SHC2: variants seen among roughly 807,000 people sequenced by gnomAD.
SHC2 encodes SHC adaptor protein 2.
SHC2 carries 62 observed loss-of-function variants against 60.6 expected under a neutral mutation model. The ratio of observed to expected loss-of-function variants is 1.02; its 90% CI spans 0.83 to 1.26. SHC2 has a LOEUF of 1.26. SHC2 is among the 50% of genes most tolerant of loss of function. The pLI is 0.00. For missense variants in SHC2, 873 were observed against 822.2 expected, an observed-to-expected ratio of 1.06 and a Z score of -0.76; for synonymous variants, 375 against 372.4, an observed-to-expected ratio of 1.01 and a Z score of -0.08.
Position 430,682 on chromosome 19 carries a change from A to T in SHC2, c.1174+2T>A. ...ACCCCTTGCAGCCCCAGCCCATCCT[A>T]CCTGTACCGGTGGACCCCACGTCCC... On this transcript the variant is annotated splice_donor_variant, in intron 9 of 12. Transcript: ENST00000264554. LOFTEE classifies it high-confidence loss of function. The T allele has an allele frequency of 1.2e-6, 2 of 1,612,660 alleles. No individual in the cohort carries two copies. Among genetic ancestry groups the T allele is most frequent in the Non-Finnish European group, 1.7e-6 (2 of 1,179,670 alleles).
intron 2 of SHC2, chr19:439,304 G>A (rs770558136): frequency 2.8e-5 from 15 of 532,644 alleles, no homozygotes; most frequent in Non-Finnish European, 4.0e-5. Flanking sequence ...CCTTGCATCC[G>A]GCAGAGGCCC....
intron 1 of SHC2, among the ~76,000 whole-genome samples, chr19:448,098 G>A (rs541804108): frequency 2.7e-4 from 41 of 152,334 alleles, no homozygotes; most frequent in Admixed American, 1.8e-3. Context: ...CTCCCGGGGC[G>A]TGCACTGCGA....
chr19:440,964 C>A lies in SHC2; in HGVS notation c.469-32G>T. The A allele has an allele frequency of 6.3e-7, 1 of 1,597,462 alleles. No homozygotes were observed. The highest frequency in any genetic ancestry group is 8.6e-7 in the Non-Finnish European group (1 of 1,166,088). On this transcript the variant is annotated intron_variant, in intron 1 of 12. Transcript: ENST00000264554. This position sits in a 1 kb window ranked among gnomAD's most constrained non-coding sequence, Gnocchi z 7.0. ...GGAGAGAACAGGTGTCAGATGCCATCGGAACCCCCGCAGTGGAGCCACGTC... is the reference window on the plus strand; with the variant it reads ...GGAGAGAACAGGTGTCAGATGCCATAGGAACCCCCGCAGTGGAGCCACGTC...
At chr19:421,374 G>A (rs558884518) in intron 11 of SHC2, among the ~76,000 whole-genome samples, 12 of 146,222 alleles carry the variant, frequency 8.2e-5, no homozygotes, top group South Asian at 2.2e-4. Flanking sequence ...CATTCCAGCC[G>A]GGGCAACAGT....
intron 1 of SHC2, among the ~76,000 whole-genome samples, chr19:458,536 TTC>T (rs1975439176): frequency 8.6e-4 from 21 of 24,444 alleles, no homozygotes; most frequent in South Asian, 1.4e-3. Flanking sequence ...GGGAGGCGGA[TTC>T]GGGTTCCGGG....
At position 434,753 on chromosome 19, in the gene SHC2, T is replaced by G. The variant is rs1974676803; in HGVS notation, c.1066A>C (p.Arg356=). The G allele has an allele frequency of 6.2e-7, 1 of 1,612,556 alleles. No individual in the cohort carries two copies. Among genetic ancestry groups the G allele is most frequent in the South Asian group, 1.1e-5 (1 of 91,078 alleles). The change falls in exon 8 of 13, where the codon AGG becomes CGG. Residue 356 remains arginine, a synonymous_variant. Coordinates refer to ENST00000264554, the MANE Select transcript of SHC2 (RefSeq NM_012435.3). ...EPPLGGLVDS[R]LALTQPCALT... is the part of the protein sequence containing the mutation. The stretch of plus-strand genomic sequence containing the variant: ...GCGCAGGGCTGTGTCAGGGCCAGCC[T>G]GGAGTCCACTAGCCCGCCCAGCGGC...
rs369808633 is a variant in SHC2 at position 435,903 on chromosome 19, C to T, written c.953+262G>A. 18 of 454,132 alleles carry T rather than the reference C, an allele frequency of 4.0e-5. No individual in the cohort carries two copies. In the South Asian group the frequency reaches 4.4e-4, roughly 11 times the overall value. The allele number at this position is 454,132 out of a possible 1,614,324, so 28.1% of individuals were successfully genotyped here. On this transcript the variant is annotated intron_variant, in intron 7 of 12. Transcript: ENST00000264554. ...TCTGGAGGAGGGATATTGGTTGTAG[C>T]AGCAGGGCTGACAGCCTCAGGCACA...
Position 429,849 on chromosome 19 carries a change from C to A in SHC2, c.1174+835G>T, listed in dbSNP as rs558187082. 1.6e-4 allele frequency among the ~76,000 whole-genome samples: 24 copies of A among 148,960 alleles called. No homozygotes were observed. The South Asian group carries it at 3.5e-3, about 21-fold the overall frequency. On this transcript the variant is annotated intron_variant, in intron 9 of 12. Transcript: ENST00000264554. ...ACACAGTACCTATACCCAACACGCA[C>A]AGAAACCTAACACCGTGTGGATGAC...
chr19:454,721 C>G (rs928453294), intron 1 of SHC2, among the ~76,000 whole-genome samples: 2 of 151,618 alleles, frequency 1.3e-5, no homozygotes, highest in African/African-American at 4.8e-5. Context: ...ACCCGGGAGG[C>G]GGAGGTTGCG....
intron 12 of SHC2, among the ~76,000 whole-genome samples, chr19:418,291 C>T (rs1452223270): frequency 2.0e-5 from 3 of 152,230 alleles, no homozygotes; most frequent in Admixed American, 2.0e-4. Flanking sequence ...CCCAGCACGC[C>T]GCAGGGGTCC....
intron 11 of SHC2, 58 bp from the exon 12 acceptor site, chr19:419,114 G>C: frequency 1.3e-6 from 2 of 1,506,630 alleles, no homozygotes; most frequent in South Asian, 2.5e-5. Flanking sequence ...CCGTGGAGTA[G>C]GATATTGGCG....
intron 9 of SHC2, among the ~76,000 whole-genome samples, chr19:428,395 G>A (rs530784358): frequency 3.3e-5 from 5 of 152,338 alleles, no homozygotes; most frequent in South Asian, 2.1e-4. Flanking sequence ...GCAAAGGCCT[G>A]CAATCAACGC....
intron 1 of SHC2, among the ~76,000 whole-genome samples, chr19:456,595 C>T (rs1045519188): frequency 2.0e-5 from 3 of 152,156 alleles, no homozygotes; most frequent in Admixed American, 1.3e-4. Flanking sequence ...CACCACAGCC[C>T]ACAGAGAGAG....
chr19:424,944 G>C lies in SHC2; in HGVS notation c.1309+153C>G, dbSNP rs1002664422. 6.6e-6 allele frequency among the ~76,000 whole-genome samples: 1 copy of C among 152,092 alleles called. No homozygotes were observed. The highest frequency in any genetic ancestry group is 2.4e-5 in the African/African-American group (1 of 41,430). On this transcript the variant is annotated intron_variant, in intron 10 of 12. Transcript: ENST00000264554. The surrounding 1 kb of genome is among the most constrained non-coding windows in gnomAD (Gnocchi z 4.5). Reference sequence around the variant, plus strand: ...GACAGGAGACAGACTGGGCTTCCCCGTCCCACCCGTCGACTTGAAGGATCT... The same window carrying C: ...GACAGGAGACAGACTGGGCTTCCCCCTCCCACCCGTCGACTTGAAGGATCT...
chr19:454,744 C>T (rs1294394871), intron 1 of SHC2, among the ~76,000 whole-genome samples: 5 of 151,914 alleles, frequency 3.3e-5, no homozygotes, highest in African/African-American at 7.3e-5. Flanking sequence ...GAGCCGAGAT[C>T]GCGCCACGGC....
rs1176395793 is a variant in SHC2 at position 422,057 on chromosome 19, CG to C, written c.1620+88del. On this transcript the variant is annotated intron_variant, in intron 11 of 12. Transcript: ENST00000264554. This position sits in a 1 kb window ranked among gnomAD's most constrained non-coding sequence, Gnocchi z 5.0. ...TTGAGACCCTCCCACCTGTGCCCAG[CG>C]AAGCCCCTGGATGCCCCGAGACCCT... 11 of 483,910 alleles carry C rather than the reference CG, an allele frequency of 2.3e-5. No homozygotes were observed. The highest frequency in any genetic ancestry group is 4.0e-4 in the East Asian group (1 of 2,508). The allele number at this position is 483,910 out of a possible 1,614,324, so 30.0% of individuals were successfully genotyped here.
chr19:447,603 AC>A (rs1217010115), intron 1 of SHC2, among the ~76,000 whole-genome samples: 3 of 151,970 alleles, frequency 2.0e-5, no homozygotes, highest in Admixed American at 1.3e-4. Context: ...ACATGGTGAA[AC>A]CCCGTCTCTA....
At chr19:449,706 A>G (rs1403848682) in intron 1 of SHC2, among the ~76,000 whole-genome samples, 2 of 152,210 alleles carry the variant, frequency 1.3e-5, no homozygotes, top group Non-Finnish European at 2.9e-5. Flanking sequence ...GGTTGCAATG[A>G]GCCGAGATTG....
In SHC2 at chr19:441,590, G is replaced by T. The variant is rs1423229280; in HGVS notation, c.469-658C>A. On this transcript the variant is annotated intron_variant, in intron 1 of 12. Transcript: ENST00000264554. This position sits in a 1 kb window ranked among gnomAD's most constrained non-coding sequence, Gnocchi z 4.9. ...CCAACGTTGGCCCTTGCTGGAGGGAGGGTAAGGGGCACAGCCCACGTCATC... is the reference window on the plus strand; with the variant it reads ...CCAACGTTGGCCCTTGCTGGAGGGATGGTAAGGGGCACAGCCCACGTCATC... Among the ~76,000 whole-genome samples, 1 of 152,182 alleles carries T rather than the reference G, an allele frequency of 6.6e-6. No homozygotes were observed. Among genetic ancestry groups the T allele is most frequent in the Non-Finnish European group, 1.5e-5 (1 of 68,036 alleles).
Sources: allele counts gnomAD v4.1 joint callset (sites outside exome capture counted in the v4.1 genomes callset), GRCh38; gene constraint gnomAD v4.1.1; non-coding constraint Gnocchi (gnomAD v3.1); transcripts MANE v1.5; gene names NCBI Gene and HGNC (gene_info 2026-07-23, HGNC 2026-07-21).